Variants in CAPZB observed in about 807,000 individuals in gnomAD.
CAPZB encodes the protein capping actin protein of muscle Z-line subunit beta.
Under a neutral mutation model 38.1 loss-of-function variants are expected in CAPZB, and 2 were observed. The observed-to-expected ratio is 0.05, with a 90% CI of 0.02 to 0.17. CAPZB has a LOEUF of 0.17. CAPZB is among the 10% of genes least tolerant of loss of function. The pLI is 1.00. For synonymous variants in CAPZB, 107 were observed against 127.4 expected, an observed-to-expected ratio of 0.84 and a Z score of 1.08; for missense variants, 161 against 334.2, an observed-to-expected ratio of 0.48 and a Z score of 4.04.
At chr1:19,470,054 T>A (rs1039137967) in intron 1 of CAPZB, among the ~76,000 whole-genome samples, 1 of 152,028 alleles carries the variant, frequency 6.6e-6, no homozygotes, top group Non-Finnish European at 1.5e-5. Flanking sequence ...ACCCCGTCTC[T>A]ACAAAAAATA....
At chr1:19,389,756 C>A (rs776732053) in intron 2 of CAPZB, among the ~76,000 whole-genome samples, 1 of 152,184 alleles carries the variant, frequency 6.6e-6, no homozygotes, top group Admixed American at 6.5e-5. Context: ...CTAAATCTGA[C>A]AGCCAATCCC....
At chr1:19,348,115 C>G (rs1488930745) in intron 6 of CAPZB, among the ~76,000 whole-genome samples, 3 of 152,126 alleles carry the variant, frequency 2.0e-5, no homozygotes, top group Admixed American at 6.5e-5. Context: ...ATTCCTTGTG[C>G]CCAGATAAGG....
chr1:19,479,269 G>A (rs1008960375), intron 1 of CAPZB, among the ~76,000 whole-genome samples: 2 of 152,104 alleles, frequency 1.3e-5, no homozygotes, highest in Admixed American at 6.5e-5. Context: ...TGCAGAGCCC[G>A]CCACCCCACC....
At chr1:19,433,304 T>C (rs1353235076) in intron 1 of CAPZB, among the ~76,000 whole-genome samples, 1 of 152,188 alleles carries the variant, frequency 6.6e-6, no homozygotes, top group Non-Finnish European at 1.5e-5. Flanking sequence ...TTCACAAAAG[T>C]GGAAGCTGAG....
intron 2 of CAPZB, among the ~76,000 whole-genome samples, chr1:19,413,991 C>T (rs1428121514): frequency 6.6e-6 from 1 of 152,182 alleles, no homozygotes; most frequent in Non-Finnish European, 1.5e-5. Flanking sequence ...GCTAATCAAT[C>T]GTATTAATGA....
At chr1:19,381,028 G>C (rs979538504) in intron 3 of CAPZB, among the ~76,000 whole-genome samples, 5 of 152,060 alleles carry the variant, frequency 3.3e-5, no homozygotes, top group Admixed American at 1.3e-4. Flanking sequence ...AATTAGCTGG[G>C]TGTGGTGGCA....
At chr1:19,389,221 G>A (rs549985544) in intron 2 of CAPZB, among the ~76,000 whole-genome samples, 5 of 152,082 alleles carry the variant, frequency 3.3e-5, no homozygotes, top group South Asian at 2.1e-4. Context: ...TACCCACGCC[G>A]TCCCTCCACC....
At chr1:19,387,667 T>C (rs2094211201) in intron 2 of CAPZB, among the ~76,000 whole-genome samples, 1 of 152,236 alleles carries the variant, frequency 6.6e-6, no homozygotes, top group South Asian at 2.1e-4. Context: ...AAACAGGGTC[T>C]GAAGTTAGAC....
At chr1:19,346,574 T>TG (rs1364856031) in intron 6 of CAPZB, among the ~76,000 whole-genome samples, 5 of 150,896 alleles carry the variant, frequency 3.3e-5, no homozygotes, top group Admixed American at 2.0e-4. Context: ...GGGTGGAGTC[T>TG]GGGGGGAGAT....
At chr1:19,406,457 C>T (rs150349926) in intron 2 of CAPZB, among the ~76,000 whole-genome samples, 3 of 152,284 alleles carry the variant, frequency 2.0e-5, no homozygotes, top group African/African-American at 4.8e-5. Flanking sequence ...CTACCCACTA[C>T]GGAGACTGAG....
At chr1:19,472,975 C>A (rs1274687384) in intron 1 of CAPZB, among the ~76,000 whole-genome samples, 2 of 152,128 alleles carry the variant, frequency 1.3e-5, no homozygotes, top group Non-Finnish European at 2.9e-5. Context: ...CCTCGGCCTC[C>A]CAAAGTGCTG....
intron 6 of CAPZB, among the ~76,000 whole-genome samples, chr1:19,345,481 GAGA>G (rs939515399): frequency 3.3e-5 from 5 of 152,252 alleles, no homozygotes; most frequent in Admixed American, 1.3e-4. Context: ...ACTTCCAAGG[GAGA>G]AGATTTTGCT....
chr1:19,448,685 A>G, intron 1 of CAPZB: 2 of 1,049,210 alleles, frequency 1.9e-6, no homozygotes, highest in Non-Finnish European at 1.4e-6. Context: ...CACCTAGCCA[A>G]CACATTTCCT....
intron 1 of CAPZB, among the ~76,000 whole-genome samples, chr1:19,479,530 T>C (rs892719575): frequency 7.2e-5 from 11 of 152,194 alleles, no homozygotes; most frequent in African/African-American, 2.7e-4. Flanking sequence ...ATGGGACAGC[T>C]CTGGGGCAGA....
chr1:19,484,209 T>C (rs1307252900), intron 1 of CAPZB: 1 of 1,612,470 alleles, frequency 6.2e-7, no homozygotes, highest in Admixed American at 1.7e-5. Flanking sequence ...GGGACTTCCA[T>C]AATCAGCAGT....
chr1:19,485,063 T>C (rs2094646273), intron 1 of CAPZB, among the ~76,000 whole-genome samples: 1 of 150,746 alleles, frequency 6.6e-6, no homozygotes, highest in Non-Finnish European at 1.5e-5. Flanking sequence ...AAAGCAGACC[T>C]AGCCCTAGAC....
intron 1 of CAPZB, among the ~76,000 whole-genome samples, chr1:19,423,996 G>C (rs12070902): frequency 6.6e-6 from 1 of 151,894 alleles, no homozygotes; most frequent in Admixed American, 6.6e-5. Flanking sequence ...ATTTTTTGTA[G>C]AGATGGGGTT....
chr1:19,361,483 A>T (rs1395727355), intron 4 of CAPZB, among the ~76,000 whole-genome samples: 2 of 152,254 alleles, frequency 1.3e-5, no homozygotes, highest in Non-Finnish European at 2.9e-5. Context: ...CAGAAGCACC[A>T]GCCTCTCCTG....
In CAPZB at chr1:19,356,848, A is replaced by G; in HGVS notation, c.472-97T>C. 1.3e-6 allele frequency: 1 copy of G among 748,022 alleles called. No homozygotes were observed. Among genetic ancestry groups the G allele is most frequent in the East Asian group, 2.5e-5 (1 of 40,436 alleles). 46.3% of individuals were successfully genotyped at this position (748,022 alleles called of 1,614,324 possible). On this transcript the variant is annotated intron_variant, in intron 5 of 8. Transcript: ENST00000264202. This position sits in a 1 kb window ranked among gnomAD's most constrained non-coding sequence, Gnocchi z 4.3. ...CTAACATCTCCCTTCCTAGGTCATTATCACAATATTACCTTTTTTTTTTTT... is the reference window on the plus strand; with the variant it reads ...CTAACATCTCCCTTCCTAGGTCATTGTCACAATATTACCTTTTTTTTTTTT...
Sources: allele counts gnomAD v4.1 joint callset (sites outside exome capture counted in the v4.1 genomes callset), GRCh38; gene constraint gnomAD v4.1.1; non-coding constraint Gnocchi (gnomAD v3.1); transcripts MANE v1.5; gene names NCBI Gene and HGNC (gene_info 2026-07-23, HGNC 2026-07-21).